CDH8: variants seen among roughly 807,000 people sequenced by gnomAD.
The protein encoded by CDH8 is cadherin 8.
A neutral mutation model predicts 68.1 loss-of-function variants in CDH8; 17 were observed. The observed-to-expected ratio is 0.25, with a 90% CI of 0.17 to 0.37. The LOEUF is 0.37. CDH8 is among the 10% of genes least tolerant of loss of function. CDH8 has a pLI of 1.00. For synonymous variants in CDH8, 372 were observed against 365.1 expected (o/e 1.02, Z -0.21); for missense variants, 763 against 999.3 (o/e 0.76, Z 3.19).
chr16:61,813,106 C>T (rs913154284), intron 7 of CDH8, among the ~76,000 whole-genome samples: 2 of 152,146 alleles, frequency 1.3e-5, no homozygotes, highest in Non-Finnish European at 2.9e-5. Flanking sequence ...GAGCAAAGAT[C>T]ACAGCATTTA....
At chr16:62,012,972 A>AATCAAGAGCATTGGCAAT (rs1416074277) in intron 2 of CDH8, among the ~76,000 whole-genome samples, 2 of 116,158 alleles carry the variant, frequency 1.7e-5, no homozygotes, top group Admixed American at 8.8e-5. Flanking sequence ...TAACTACTTA[A>AATCAAGAGCATTGGCAAT]GGCCGGGCGC....
At chr16:61,884,915 T>G (rs1461994175) in intron 3 of CDH8, among the ~76,000 whole-genome samples, 3 of 152,040 alleles carry the variant, frequency 2.0e-5, no homozygotes, top group Non-Finnish European at 4.4e-5. Context: ...GCCAACTGTA[T>G]GTAAGGAAAG....
intron 7 of CDH8, among the ~76,000 whole-genome samples, chr16:61,794,628 G>A (rs1961455841): frequency 6.6e-6 from 1 of 151,902 alleles, no homozygotes; most frequent in East Asian, 1.9e-4. Flanking sequence ...AGTTCATCTG[G>A]GCCTTAATGT....
At chr16:61,807,894 G>A (rs1002809764) in intron 7 of CDH8, among the ~76,000 whole-genome samples, 3 of 152,148 alleles carry the variant, frequency 2.0e-5, no homozygotes, top group Admixed American at 6.5e-5. Flanking sequence ...CCTTTCATAG[G>A]TGGCAATCCC....
At chr16:61,698,867 T>C (rs1485420834) in intron 10 of CDH8, among the ~76,000 whole-genome samples, 3 of 152,148 alleles carry the variant, frequency 2.0e-5, no homozygotes, top group African/African-American at 7.2e-5. Flanking sequence ...CTTAGCTGGG[T>C]GATGCTCTTA....
At chr16:61,768,043 A>G (rs1330998709) in intron 8 of CDH8, among the ~76,000 whole-genome samples, 1 of 151,914 alleles carries the variant, frequency 6.6e-6, no homozygotes, top group East Asian at 1.9e-4. Flanking sequence ...TTTGTGTCAA[A>G]CACTGAGAAA....
intron 3 of CDH8, among the ~76,000 whole-genome samples, chr16:61,858,319 T>A (rs1439039380): frequency 6.6e-6 from 1 of 152,002 alleles, no homozygotes; most frequent in Non-Finnish European, 1.5e-5. Context: ...GGAGAAGGAA[T>A]TCTAAGCAAG....
chr16:61,724,349 G>C (rs571411437), intron 9 of CDH8, among the ~76,000 whole-genome samples: 28 of 150,882 alleles, frequency 1.9e-4, no homozygotes, highest in Non-Finnish European at 3.9e-4. Flanking sequence ...ACTGTGTTTA[G>C]ATGAGTTCAA....
chr16:61,839,298 T>C (rs1306723955), intron 4 of CDH8, among the ~76,000 whole-genome samples: 1 of 152,156 alleles, frequency 6.6e-6, no homozygotes, highest in African/African-American at 2.4e-5. Context: ...TGATTCTTTC[T>C]GAACCTATCA....
chr16:61,798,088 T>C (rs1017796933), intron 7 of CDH8, among the ~76,000 whole-genome samples: 2 of 152,200 alleles, frequency 1.3e-5, no homozygotes, highest in African/African-American at 2.4e-5. Flanking sequence ...AATTCTTCAA[T>C]GTTTACATAA....
At chr16:61,829,353 CT>C (rs1481850575) in intron 4 of CDH8, among the ~76,000 whole-genome samples, 4 of 151,946 alleles carry the variant, frequency 2.6e-5, no homozygotes, top group South Asian at 2.1e-4. Context: ...CCAGGCCATA[CT>C]TTTGTCAATT....
At position 61,821,110 on chromosome 16, in the gene CDH8, A is replaced by T; in HGVS notation, c.839T>A (p.Leu280Gln). The T allele has an allele frequency of 6.3e-7, 1 of 1,598,510 alleles. No homozygotes were observed. The highest frequency in any genetic ancestry group is 8.5e-7 in the Non-Finnish European group (1 of 1,170,920). The stretch of plus-strand genomic sequence containing the variant: ...ATCTTCCGGTACTGAGAAGTGATAC[A>T]GGCCTTTAAAAAGAGGAGAAACAAT... Reference protein sequence around the residue: ...NDNPPKFAQSLYHFSVPEDVV... With the variant: ...NDNPPKFAQSQYHFSVPEDVV... Residue 280 changes from leucine to glutamine, a missense_variant, in exon 6 of 12, where the codon CTG (leucine) becomes CAG (glutamine). Leu to Gln is a moderately radical substitution (Grantham distance 113). Transcript: ENST00000577390.
chr16:61,750,529 G>A (rs1321540019), intron 8 of CDH8, among the ~76,000 whole-genome samples: 2 of 151,994 alleles, frequency 1.3e-5, no homozygotes, highest in African/African-American at 4.8e-5. Flanking sequence ...CATCTCACGT[G>A]GTTCTTACAT....
intron 2 of CDH8, among the ~76,000 whole-genome samples, chr16:62,010,841 G>A (rs919963477): frequency 6.6e-6 from 1 of 151,892 alleles, no homozygotes; most frequent in African/African-American, 2.4e-5. Flanking sequence ...TACTCAAGAG[G>A]CTGAGGCAGG....
rs963530422 is a variant in CDH8, at chr16:61,653,111, A to G, written c.*497T>C. 2 of 1,257,062 alleles carry G rather than the reference A, an allele frequency of 1.6e-6. No individual in the cohort carries two copies. Among genetic ancestry groups the G allele is most frequent in the African/African-American group, 1.5e-5 (1 of 64,762 alleles). The allele number at this position is 1,257,062 out of a possible 1,614,324, so 77.9% of individuals were successfully genotyped here. A position where few individuals can be genotyped will look rare whatever the true frequency, so the allele number is the denominator to read the frequency against. ...TAGGAGGCCTCTCAAAACTCCAAAA[A>G]GTTATAATGTACAGCAGACCAAGTA... On this transcript the variant is annotated 3_prime_UTR_variant, in exon 12 of 12. Transcript: ENST00000577390.
chr16:61,669,321 G>T (rs1485307137), intron 10 of CDH8, among the ~76,000 whole-genome samples: 1 of 151,852 alleles, frequency 6.6e-6, no homozygotes, highest in Non-Finnish European at 1.5e-5. Flanking sequence ...TCTATAAGAC[G>T]TCACTGGCAC....
At chr16:61,953,921 AT>A (rs1964939604) in intron 2 of CDH8, among the ~76,000 whole-genome samples, 3 of 143,458 alleles carry the variant, frequency 2.1e-5, no homozygotes, top group African/African-American at 5.3e-5. Context: ...ATATATATAT[AT>A]ATATAAAATA....
At chr16:61,932,218 A>AAAAAAAAAAGAAAAG (rs577005665) in intron 2 of CDH8, among the ~76,000 whole-genome samples, 3 of 146,868 alleles carry the variant, frequency 2.0e-5, no homozygotes, top group Non-Finnish European at 1.5e-5. Flanking sequence ...AAAAAAAAAA[A>AAAAAAAAAAGAAAAG]AAAAGAAAAG....
chr16:61,907,246 C>T (rs1008013320), intron 2 of CDH8, among the ~76,000 whole-genome samples: 2 of 152,114 alleles, frequency 1.3e-5, no homozygotes, highest in African/African-American at 2.4e-5. Context: ...CCTACCTCTT[C>T]CTCTAGAATA....
Sources: allele counts gnomAD v4.1 joint callset (sites outside exome capture counted in the v4.1 genomes callset), GRCh38; gene constraint gnomAD v4.1.1; transcripts MANE v1.5; gene names NCBI Gene and HGNC (gene_info 2026-07-23, HGNC 2026-07-21).